Variants in LARS2 observed in about 807,000 individuals in gnomAD.
LARS2 encodes the protein leucine--tRNA ligase, mitochondrial.
A neutral mutation model predicts 116.6 loss-of-function variants in LARS2; 81 were observed. That is an observed-to-expected ratio of 0.69 (90% CI 0.58 to 0.84). LARS2 has a LOEUF of 0.84. Among genes scored for constraint, LARS2 ranks in the 40% least tolerant of loss-of-function variants. The pLI, the probability that LARS2 is intolerant of heterozygous loss-of-function variation, is 0.00. For synonymous variants in LARS2, 396 were observed against 407.2 expected, an observed-to-expected ratio of 0.97 and a Z score of 0.33; for missense variants, 968 against 1,114.5, an observed-to-expected ratio of 0.87 and a Z score of 1.87.
chr3:45,433,513 C>G (rs935790559), intron 6 of LARS2, among the ~76,000 whole-genome samples: 1 of 152,092 alleles, frequency 6.6e-6, no homozygotes, highest in Non-Finnish European at 1.5e-5. Flanking sequence ...GGCCTTACTT[C>G]CCTTTGCATG....
rs3085466 is a variant in LARS2 at position 45,533,141 on chromosome 3, C to CTTTTTTTTTTTTTT, written c.2405-8674_2405-8661dup. On this transcript the variant is annotated intron_variant, in intron 20 of 21. Coordinates refer to ENST00000645846, the MANE Select transcript of LARS2 (RefSeq NM_015340.4). The stretch of plus-strand genomic sequence containing the variant: ...TTTAGCTTTGGTGGTCACATTAAGT[C>CTTTTTTTTTTTTTT]TTTTTTTTTTTTTTTTTTTTTTTTT... Among the ~76,000 whole-genome samples, 2 of 51,018 alleles carry CTTTTTTTTTTTTTT rather than the reference C, an allele frequency of 3.9e-5. 1 individual carries two copies. Among genetic ancestry groups the CTTTTTTTTTTTTTT allele is most frequent in the Non-Finnish European group, 7.0e-5 (2 of 28,604 alleles). 33.5% of individuals were successfully genotyped at this position (51,018 alleles called of 152,430 possible).
intron 8 of LARS2, among the ~76,000 whole-genome samples, chr3:45,468,556 G>A (rs1329774143): frequency 6.6e-6 from 1 of 152,192 alleles, no homozygotes; most frequent in Non-Finnish European, 1.5e-5. Context: ...CATCAGACAG[G>A]TGGCTCTGTC....
At chr3:45,404,907 G>T (rs887372904) in intron 4 of LARS2, among the ~76,000 whole-genome samples, 3 of 152,094 alleles carry the variant, frequency 2.0e-5, no homozygotes, top group African/African-American at 7.2e-5. Context: ...ATTTTTCAAA[G>T]CCCATTTAAA....
At chr3:45,454,518 C>G (rs1342834914) in intron 7 of LARS2, among the ~76,000 whole-genome samples, 1 of 152,120 alleles carries the variant, frequency 6.6e-6, no homozygotes, top group Non-Finnish European at 1.5e-5. Flanking sequence ...AAAATCGACC[C>G]AGAGCTCAGT....
chr3:45,464,007 TCTG>T (rs1044091746), intron 8 of LARS2, among the ~76,000 whole-genome samples: 17 of 152,298 alleles, frequency 1.1e-4, no homozygotes, highest in African/African-American at 3.6e-4. Context: ...AGGATGAACT[TCTG>T]CTGGTGAGAA....
At chr3:45,481,180 C>T (rs1699694075) in intron 10 of LARS2, among the ~76,000 whole-genome samples, 1 of 152,214 alleles carries the variant, frequency 6.6e-6, no homozygotes, top group African/African-American at 2.4e-5. Flanking sequence ...GCTCCTTTCA[C>T]TTAGCATAAT....
intron 13 of LARS2, 149 bp downstream of exon 13, chr3:45,491,949 C>A: frequency 1.3e-6 from 1 of 747,744 alleles, no homozygotes; most frequent in South Asian, 1.9e-5. Flanking sequence ...GTCTTTGGGG[C>A]CCTTTAAGAG....
rs1698745053 is a variant in LARS2 at position 45,433,088 on chromosome 3, CT to C, written c.516+13363del. 2.0e-5 allele frequency among the ~76,000 whole-genome samples: 3 copies of C among 152,032 alleles called. No individual in the cohort carries two copies. In the East Asian group the frequency reaches 5.8e-4, roughly 29 times the overall value. ...TCTTACATTAATATAGCCACTTTTT[CT>C]TTTGATTAATTTTTGCATAGTATGT... On this transcript the variant is annotated intron_variant, in intron 6 of 21. Transcript: ENST00000645846.
intron 15 of LARS2, among the ~76,000 whole-genome samples, chr3:45,512,109 A>G (rs947314686): frequency 2.0e-5 from 3 of 152,012 alleles, no homozygotes; most frequent in East Asian, 1.9e-4. Context: ...ACCTATCTTT[A>G]TCTTTGAATC....
intron 15 of LARS2, among the ~76,000 whole-genome samples, chr3:45,504,373 C>T (rs1392267884): frequency 6.6e-6 from 1 of 151,998 alleles, no homozygotes; most frequent in Non-Finnish European, 1.5e-5. Flanking sequence ...AGCTCCTTCC[C>T]TTCACTTAAC....
chr3:45,447,038 T>C, intron 7 of LARS2, 58 bp downstream of exon 7: 1 of 1,031,268 alleles, frequency 9.7e-7, no homozygotes, highest in Non-Finnish European at 1.5e-6. Context: ...GATACATCAT[T>C]GTAGTAGCAG....
At chr3:45,470,857 A>G (rs1699510067) in intron 8 of LARS2, among the ~76,000 whole-genome samples, 1 of 152,058 alleles carries the variant, frequency 6.6e-6, no homozygotes, top group African/African-American at 2.4e-5. Flanking sequence ...GATTTGAAAA[A>G]GGTTTCATAG....
chr3:45,477,969 G>C (rs977775957), intron 10 of LARS2, among the ~76,000 whole-genome samples: 20 of 152,176 alleles, frequency 1.3e-4, no homozygotes, highest in African/African-American at 4.8e-4. Flanking sequence ...TGCACTCTTG[G>C]TGGGGCATAG....
intron 2 of LARS2, among the ~76,000 whole-genome samples, chr3:45,393,327 A>G (rs1697989499): frequency 6.6e-6 from 1 of 152,204 alleles, no homozygotes; most frequent in African/African-American, 2.4e-5. Flanking sequence ...CTATAATCCT[A>G]GCACTTTGGG....
chr3:45,500,478 T>G lies in LARS2; in HGVS notation c.1659T>G (p.Pro553=). Residue 553 remains proline (P), a synonymous_variant, in exon 15 of 22, where the codon CCT becomes CCG. Coordinates refer to ENST00000645846, the MANE Select transcript of LARS2 (RefSeq NM_015340.4). ...CAGCAGTGGCCGATTACTGGATGCCTGTGGATTTGTACATTGGAGGGAAAG... is the reference window on the plus strand; with the variant it reads ...CAGCAGTGGCCGATTACTGGATGCCGGTGGATTTGTACATTGGAGGGAAAG... ...FNTAVADYWM[P]VDLYIGGKEH... 1 of 1,605,392 alleles carries G rather than the reference T, an allele frequency of 6.2e-7. No homozygotes were observed. Among genetic ancestry groups the G allele is most frequent in the Admixed American group, 1.7e-5 (1 of 57,768 alleles).
At chr3:45,472,789 CTT>C (rs1699547687) in intron 8 of LARS2, among the ~76,000 whole-genome samples, 1 of 152,174 alleles carries the variant, frequency 6.6e-6, no homozygotes, top group African/African-American at 2.4e-5. Flanking sequence ...TGTGGAGTGA[CTT>C]GGGGAAAAGT....
intron 20 of LARS2, among the ~76,000 whole-genome samples, chr3:45,534,876 C>T (rs575026556): frequency 2.4e-4 from 36 of 152,238 alleles, no homozygotes; most frequent in African/African-American, 8.2e-4. Flanking sequence ...CCTGAAGCTT[C>T]GGATCTGAGA....
intron 20 of LARS2, among the ~76,000 whole-genome samples, chr3:45,526,690 T>G (rs2624667): frequency 0.87 from 132,183 of 151,956 alleles, 60,389 homozygotes; most frequent in East Asian, 1. Flanking sequence ...CTGACCACTT[T>G]ACCACTTCAC....
At chr3:45,489,505 G>A (rs75921709) in intron 12 of LARS2, among the ~76,000 whole-genome samples, 122 of 139,082 alleles carry the variant, frequency 8.8e-4, no homozygotes, top group Admixed American at 1.7e-3. Flanking sequence ...CACTTCTAAC[G>A]AGTTTCCAGA....
Sources: gnomAD v4.1 joint callset for allele counts (sites outside exome capture counted in the v4.1 genomes callset) on GRCh38, gnomAD v4.1.1 for gene constraint, MANE v1.5 for transcripts, NCBI Gene and HGNC (gene_info 2026-07-23, HGNC 2026-07-21) for gene names.